PLXDC2: variants seen among roughly 807,000 people sequenced by gnomAD.
The protein encoded by PLXDC2 is plexin domain-containing protein 2.
In PLXDC2, 40 loss-of-function variants were observed where a neutral mutation model predicts 68.9. That is an observed-to-expected ratio of 0.58 (90% CI 0.45 to 0.76). The LOEUF (loss-of-function observed/expected upper bound fraction) is 0.76, where lower values mean the gene tolerates loss of function less well. Among genes scored for constraint, PLXDC2 ranks in the 30% least tolerant of loss-of-function variants. The pLI is 0.00. For missense variants in PLXDC2, 644 were observed against 661.9 expected (o/e 0.97, Z 0.30); for synonymous variants, 243 against 234.2 (o/e 1.04, Z -0.34).
intron 4 of PLXDC2, among the ~76,000 whole-genome samples, chr10:20,138,867 C>T (rs894626349): frequency 1.4e-4 from 21 of 151,924 alleles, no homozygotes; most frequent in African/African-American, 4.1e-4. Context: ...GAGCCAAAAT[C>T]GTGCCACTAC....
chr10:19,954,222 G>C (rs1271753282), intron 1 of PLXDC2, among the ~76,000 whole-genome samples: 1 of 152,162 alleles, frequency 6.6e-6, no homozygotes, highest in Non-Finnish European at 1.5e-5. Flanking sequence ...TTGGTATATT[G>C]ACTGATTTTC....
intron 2 of PLXDC2, among the ~76,000 whole-genome samples, chr10:20,045,698 A>T (rs1380622983): frequency 6.6e-6 from 1 of 152,132 alleles, no homozygotes; most frequent in Non-Finnish European, 1.5e-5. Flanking sequence ...ATTTTATTAC[A>T]TTTAATTATC....
intron 7 of PLXDC2, among the ~76,000 whole-genome samples, chr10:20,166,916 G>A (rs1208533563): frequency 6.6e-6 from 1 of 152,040 alleles, no homozygotes; most frequent in Non-Finnish European, 1.5e-5. Context: ...TAATAAATTG[G>A]CAACATTTAT....
At chr10:19,911,965 C>G (rs1376096130) in intron 1 of PLXDC2, among the ~76,000 whole-genome samples, 1 of 152,132 alleles carries the variant, frequency 6.6e-6, no homozygotes, top group Non-Finnish European at 1.5e-5. Context: ...CAAAATATTT[C>G]CCTGAAGCTA....
intron 1 of PLXDC2, among the ~76,000 whole-genome samples, chr10:19,859,794 C>T (rs991280018): frequency 4.6e-5 from 7 of 152,130 alleles, no homozygotes; most frequent in African/African-American, 9.7e-5. Context: ...TGCAGTGGTG[C>T]GATCTCAGCT....
intron 2 of PLXDC2, among the ~76,000 whole-genome samples, chr10:20,045,069 T>G (rs1835773678): frequency 6.6e-6 from 1 of 152,190 alleles, no homozygotes; most frequent in Non-Finnish European, 1.5e-5. Context: ...CCTTATTCTT[T>G]CTTTACATCT....
intron 4 of PLXDC2, among the ~76,000 whole-genome samples, chr10:20,074,432 A>C (rs181230980): frequency 9.9e-5 from 15 of 152,256 alleles, no homozygotes; most frequent in Non-Finnish European, 1.0e-4. Flanking sequence ...CTCCCAAAAA[A>C]AAATACCTTA....
At chr10:20,126,485 C>CACACGTTATATATGTATATAGA (rs1225168653) in intron 4 of PLXDC2, among the ~76,000 whole-genome samples, 1 of 15,794 alleles carries the variant, frequency 6.3e-5, no homozygotes, top group African/African-American at 2.7e-4. Context: ...GTATATATAA[C>CACACGTTATATATGTATATAGA]ACACACGTTA....
At chr10:20,064,565 T>A (rs1836168384) in intron 3 of PLXDC2, among the ~76,000 whole-genome samples, 1 of 152,178 alleles carries the variant, frequency 6.6e-6, no homozygotes, top group South Asian at 2.1e-4. Context: ...AAGAGTCCTT[T>A]GTTTTATATA....
chr10:20,067,244 C>T (rs1037709027), intron 3 of PLXDC2, among the ~76,000 whole-genome samples: 5 of 152,152 alleles, frequency 3.3e-5, no homozygotes, highest in Non-Finnish European at 7.3e-5. Flanking sequence ...AATCCAGGAA[C>T]TTTCTCCCTG....
chr10:20,220,078 T>A (rs1021988127), intron 12 of PLXDC2, among the ~76,000 whole-genome samples: 4 of 152,204 alleles, frequency 2.6e-5, no homozygotes, highest in Non-Finnish European at 5.9e-5. Flanking sequence ...ACAGTTAGCC[T>A]GTTCATAAAT....
chr10:20,123,815 A>C (rs1833732763), intron 4 of PLXDC2, among the ~76,000 whole-genome samples: 1 of 151,926 alleles, frequency 6.6e-6, no homozygotes, highest in Non-Finnish European at 1.5e-5. Context: ...CGAGGAAATA[A>C]GGGATCAGGG....
intron 1 of PLXDC2, among the ~76,000 whole-genome samples, chr10:19,954,594 T>A (rs1834039077): frequency 1.3e-5 from 2 of 152,256 alleles, no homozygotes; most frequent in South Asian, 4.1e-4. Context: ...TACATGTATC[T>A]TATTTTAAAT....
chr10:19,851,922 G>A (rs1837124832), intron 1 of PLXDC2, among the ~76,000 whole-genome samples: 1 of 152,172 alleles, frequency 6.6e-6, no homozygotes, highest in Admixed American at 6.5e-5. Flanking sequence ...ATAGTAAGGA[G>A]CAGTGATTTT....
At chr10:19,997,429 G>T (rs914264642) in intron 1 of PLXDC2, among the ~76,000 whole-genome samples, 8 of 152,164 alleles carry the variant, frequency 5.3e-5, no homozygotes, top group Admixed American at 1.3e-4. Context: ...CTTGAAATGT[G>T]CAGGTCAAAG....
intron 1 of PLXDC2, among the ~76,000 whole-genome samples, chr10:19,881,739 C>A (rs187047879): frequency 6.6e-6 from 1 of 152,136 alleles, no homozygotes; most frequent in Non-Finnish European, 1.5e-5. Flanking sequence ...TTATGTATTT[C>A]CTAATTATTG....
chr10:19,916,954 A>G (rs1833378851), intron 1 of PLXDC2, among the ~76,000 whole-genome samples: 1 of 152,198 alleles, frequency 6.6e-6, no homozygotes, highest in African/African-American at 2.4e-5. Flanking sequence ...TAGTCATTCA[A>G]AAAGAGGGAT....
At chr10:20,132,205 A>C (rs1477753089) in intron 4 of PLXDC2, among the ~76,000 whole-genome samples, 1 of 152,200 alleles carries the variant, frequency 6.6e-6, no homozygotes, top group African/African-American at 2.4e-5. Context: ...CGTGGTCTGA[A>C]AAGATACTTG....
chr10:20,182,452 T>C (rs1834619092), intron 9 of PLXDC2, among the ~76,000 whole-genome samples: 1 of 152,026 alleles, frequency 6.6e-6, no homozygotes, highest in Non-Finnish European at 1.5e-5. Flanking sequence ...GTCCTTTTAA[T>C]AGCTGAGTGA....
Sources: allele counts gnomAD v4.1 joint callset (sites outside exome capture counted in the v4.1 genomes callset), GRCh38; gene constraint gnomAD v4.1.1; transcripts MANE v1.5; gene names NCBI Gene and HGNC (gene_info 2026-07-23, HGNC 2026-07-21).